LINGO2: variants seen among roughly 807,000 people sequenced by gnomAD.
The protein encoded by LINGO2 is leucine-rich repeat and immunoglobulin-like domain-containing nogo receptor-interacting protein 2.
LINGO2 carries 14 observed loss-of-function variants against 30.6 expected under a neutral mutation model. That is an observed-to-expected ratio of 0.46 (90% CI 0.30 to 0.72). The LOEUF (loss-of-function observed/expected upper bound fraction) is 0.72. Ranked by LOEUF, LINGO2 falls within the 30% of genes least tolerant of loss-of-function variation. LINGO2 has a pLI of 0.07. For synonymous variants in LINGO2, 317 were observed against 288.5 expected, an observed-to-expected ratio of 1.10 and a Z score of -1.00; for missense variants, 729 against 751.7, an observed-to-expected ratio of 0.97 and a Z score of 0.35.
chr9:28,387,440 A>G (rs1215283441), intron 2 of LINGO2, among the ~76,000 whole-genome samples: 3 of 152,220 alleles, frequency 2.0e-5, no homozygotes, highest in Non-Finnish European at 4.4e-5. Flanking sequence ...AGGGCCAAAT[A>G]AGTGAATAAA....
chr9:28,492,041 A>T (rs1290053445), intron 1 of LINGO2, among the ~76,000 whole-genome samples: 1 of 152,242 alleles, frequency 6.6e-6, no homozygotes. Flanking sequence ...AAAATTTTGC[A>T]TGGGCATCAT....
the LINGO2 span, among the ~76,000 whole-genome samples, chr9:29,011,179 A>T: frequency 6.6e-6 from 1 of 152,314 alleles, no homozygotes; most frequent in Admixed American, 6.5e-5. Flanking sequence ...ATTACTGTAC[A>T]TATATAAAAA....
chr9:28,356,838 T>C (rs947780332), intron 3 of LINGO2, among the ~76,000 whole-genome samples: 1 of 152,170 alleles, frequency 6.6e-6, no homozygotes, highest in South Asian at 2.1e-4. Flanking sequence ...ATCCTATTTC[T>C]AACCTCTGGA....
the LINGO2 span, among the ~76,000 whole-genome samples, chr9:29,025,516 A>G: frequency 6.6e-6 from 1 of 152,150 alleles, no homozygotes; most frequent in East Asian, 1.9e-4. Context: ...AGCCCTGCAG[A>G]TACTTCTATG....
intron 5 of LINGO2, among the ~76,000 whole-genome samples, chr9:27,993,493 T>G (rs1424108611): frequency 6.6e-6 from 1 of 152,048 alleles, no homozygotes; most frequent in Non-Finnish European, 1.5e-5. Flanking sequence ...TTCATGATCA[T>G]ACCACTGCAC....
chr9:29,180,968 T>C, the LINGO2 span, among the ~76,000 whole-genome samples: 4 of 152,236 alleles, frequency 2.6e-5, no homozygotes, highest in Non-Finnish European at 5.9e-5. Context: ...TTTTATCTAT[T>C]CTATTAATTT....
At chr9:28,418,274 A>C (rs1184702419) in intron 2 of LINGO2, among the ~76,000 whole-genome samples, 1 of 103,632 alleles carries the variant, frequency 9.6e-6, no homozygotes, top group Non-Finnish European at 1.9e-5. Context: ...TAGGCCATGT[A>C]CTTTTTTTTT....
the LINGO2 span, among the ~76,000 whole-genome samples, chr9:28,852,834 A>G: frequency 3.3e-5 from 5 of 152,062 alleles, 1 homozygote; most frequent in African/African-American, 1.2e-4. Context: ...AATAATCTCA[A>G]AAGGATACAG....
At chr9:28,866,509 T>C in the LINGO2 span, among the ~76,000 whole-genome samples, 7 of 152,070 alleles carry the variant, frequency 4.6e-5, no homozygotes, top group African/African-American at 1.7e-4. Flanking sequence ...TAATCAATGC[T>C]ATGAAAGGAA....
At chr9:28,773,870 C>T in the LINGO2 span, among the ~76,000 whole-genome samples, 1 of 152,080 alleles carries the variant, frequency 6.6e-6, no homozygotes, top group Non-Finnish European at 1.5e-5. Flanking sequence ...CACGCTACAT[C>T]GTGCTGCAAG....
At chr9:27,944,714 T>C (rs1223998393), downstream of LINGO2, among the ~76,000 whole-genome samples, 2 of 152,042 alleles carry the variant, frequency 1.3e-5, no homozygotes, top group Admixed American at 1.3e-4. Flanking sequence ...AAACAGGGAA[T>C]GTTAATTATA....
chr9:28,610,917 T>C (rs536265227), intron 1 of LINGO2, among the ~76,000 whole-genome samples: 1 of 152,290 alleles, frequency 6.6e-6, no homozygotes, highest in African/African-American at 2.4e-5. Flanking sequence ...GAAATCTAAA[T>C]TGTATTCTAA....
intron 4 of LINGO2, among the ~76,000 whole-genome samples, chr9:28,193,655 G>C (rs117253461): frequency 6.6e-6 from 1 of 152,212 alleles, no homozygotes; most frequent in Admixed American, 6.5e-5. Context: ...AGCGATTGCT[G>C]TATAAGTCAC....
At chr9:29,023,413 C>A in the LINGO2 span, among the ~76,000 whole-genome samples, 11 of 151,780 alleles carry the variant, frequency 7.2e-5, no homozygotes, top group African/African-American at 2.7e-4. Context: ...ATAATGAGTA[C>A]CTGCTTAAAA....
intron 4 of LINGO2, among the ~76,000 whole-genome samples, chr9:28,041,745 C>T (rs78422998): frequency 0.015 from 2,343 of 152,186 alleles, 65 homozygotes; most frequent in South Asian, 0.071. Context: ...ATATTGTTAG[C>T]GACATATTAT....
the LINGO2 span, among the ~76,000 whole-genome samples, chr9:29,058,600 A>G: frequency 6.6e-6 from 1 of 151,986 alleles, no homozygotes; most frequent in Non-Finnish European, 1.5e-5. Flanking sequence ...CACAGATTCA[A>G]GAAGCTCATT....
chr9:27,984,778 A>G (rs1268205975), intron 5 of LINGO2, among the ~76,000 whole-genome samples: 2 of 151,866 alleles, frequency 1.3e-5, no homozygotes, highest in Non-Finnish European at 2.9e-5. Flanking sequence ...GTTTATATTC[A>G]TCATCTGTTT....
chr9:29,172,044 T>A, the LINGO2 span, among the ~76,000 whole-genome samples: 2 of 152,042 alleles, frequency 1.3e-5, no homozygotes, highest in South Asian at 4.1e-4. Context: ...CAGTGTATAT[T>A]TGACCAAAAG....
chr9:27,977,256 C>T (rs1820644337), intron 5 of LINGO2, among the ~76,000 whole-genome samples: 1 of 151,534 alleles, frequency 6.6e-6, no homozygotes, highest in South Asian at 2.1e-4. Context: ...GGAGACATTT[C>T]AGGGTTACTC....
Sources: allele counts gnomAD v4.1 joint callset (sites outside exome capture counted in the v4.1 genomes callset), GRCh38; gene constraint gnomAD v4.1.1; transcripts MANE v1.5; gene names NCBI Gene and HGNC (gene_info 2026-07-23, HGNC 2026-07-21).